ZNF277: variants seen among roughly 807,000 people sequenced by gnomAD.
ZNF277 encodes nuclear receptor-interacting factor 4.
ZNF277 carries 55 observed loss-of-function variants against 60.7 expected under a neutral mutation model. That is an observed-to-expected ratio of 0.91 (90% CI 0.73 to 1.13). ZNF277 has a LOEUF of 1.13. Among genes scored for constraint, ZNF277 ranks in the 50% most tolerant of loss-of-function variants. ZNF277 has a pLI of 0.00. For missense variants in ZNF277, 510 were observed against 523.0 expected (o/e 0.98, Z 0.24); for synonymous variants, 178 against 179.3 (o/e 0.99, Z 0.06).
At chr7:112,259,442 A>G (rs993860265) in intron 1 of ZNF277, among the ~76,000 whole-genome samples, 2 of 152,160 alleles carry the variant, frequency 1.3e-5, no homozygotes, top group East Asian at 3.9e-4. Flanking sequence ...CCCCAAATCT[A>G]TAGAAAAGAA....
chr7:112,223,376 A>C (rs1381451736), intron 1 of ZNF277, among the ~76,000 whole-genome samples: 1 of 152,148 alleles, frequency 6.6e-6, no homozygotes, highest in East Asian at 1.9e-4. Flanking sequence ...CCTGGAGCCA[A>C]GTTAAAGGAT....
At chr7:112,228,368 C>T (rs1822230068) in intron 1 of ZNF277, among the ~76,000 whole-genome samples, 1 of 151,226 alleles carries the variant, frequency 6.6e-6, no homozygotes, top group Admixed American at 6.6e-5. Context: ...GAATATATCA[C>T]CCATATTTCT....
At chr7:112,266,729 T>C (rs1791560323) in intron 1 of ZNF277, among the ~76,000 whole-genome samples, 1 of 152,172 alleles carries the variant, frequency 6.6e-6, no homozygotes, top group African/African-American at 2.4e-5. Context: ...TTTATTGTAC[T>C]ACTAAAAGAA....
intron 1 of ZNF277, among the ~76,000 whole-genome samples, chr7:112,223,646 A>G (rs920584781): frequency 1.3e-5 from 2 of 152,208 alleles, no homozygotes; most frequent in Non-Finnish European, 2.9e-5. Context: ...GGGGTTTTAG[A>G]AACTCCTGCC....
chr7:112,315,393 G>T (rs1386908357), intron 4 of ZNF277, among the ~76,000 whole-genome samples: 1 of 150,572 alleles, frequency 6.6e-6, no homozygotes, highest in African/African-American at 2.4e-5. Flanking sequence ...GAGCCAGTTG[G>T]TGGGTGTAGA....
At chr7:112,219,940 A>G (rs529301948) in intron 1 of ZNF277, among the ~76,000 whole-genome samples, 31 of 152,318 alleles carry the variant, frequency 2.0e-4, no homozygotes, top group African/African-American at 7.2e-4. Context: ...CCCAGCTGCT[A>G]TGCTGTTTAG....
intron 1 of ZNF277, among the ~76,000 whole-genome samples, chr7:112,251,289 G>A (rs1791194882): frequency 6.6e-6 from 1 of 152,154 alleles, no homozygotes; most frequent in Non-Finnish European, 1.5e-5. Context: ...GGGGATGAAG[G>A]ACAGTTGGCA....
At chr7:112,236,229 T>C (rs1790782166) in intron 1 of ZNF277, among the ~76,000 whole-genome samples, 1 of 152,108 alleles carries the variant, frequency 6.6e-6, no homozygotes, top group Admixed American at 6.5e-5. Flanking sequence ...CTGCTGATTT[T>C]TCCAAAATCA....
At chr7:112,308,280 C>T (rs888901248) in intron 4 of ZNF277, among the ~76,000 whole-genome samples, 1 of 151,634 alleles carries the variant, frequency 6.6e-6, no homozygotes, top group Non-Finnish European at 1.5e-5. Context: ...CTTTGGGAGG[C>T]GAGGCGGGCA....
intron 1 of ZNF277, among the ~76,000 whole-genome samples, chr7:112,285,062 GCT>G: frequency 1.3e-5 from 2 of 152,016 alleles, no homozygotes; most frequent in South Asian, 2.1e-4. Flanking sequence ...ACAGAGTCAC[GCT>G]CTGTCACCAG....
chr7:112,228,942 T>C (rs773973914), intron 1 of ZNF277, among the ~76,000 whole-genome samples: 3 of 152,178 alleles, frequency 2.0e-5, no homozygotes, highest in Non-Finnish European at 2.9e-5. Context: ...TCACAGAGTT[T>C]TGGTGAGGTA....
At chr7:112,333,074 G>A (rs1446952596) in intron 7 of ZNF277, among the ~76,000 whole-genome samples, 4 of 151,556 alleles carry the variant, frequency 2.6e-5, no homozygotes, top group East Asian at 1.9e-4. Context: ...AATATTTAAC[G>A]TGAAGAACAT....
chr7:112,251,690 G>A (rs1013234185), intron 1 of ZNF277, among the ~76,000 whole-genome samples: 17 of 152,168 alleles, frequency 1.1e-4, no homozygotes. Context: ...CTTCTTCTGT[G>A]TCCTTATCTG....
At chr7:112,258,461 G>A (rs1221077825) in intron 1 of ZNF277, among the ~76,000 whole-genome samples, 1 of 149,790 alleles carries the variant, frequency 6.7e-6, no homozygotes, top group Non-Finnish European at 1.5e-5. Context: ...ACGTACTTAC[G>A]CCAAAAAAAA....
At position 112,231,255 on chromosome 7, in the gene ZNF277, G is replaced by A. The variant is rs1014012611; in HGVS notation, c.91+24448G>A. On this transcript the variant is annotated intron_variant, in intron 1 of 11. Transcript: ENST00000361822. ...TTGTGTCTTTGTGTATGATGTGTGT[G>A]TGTAAAATTTTTTTAAAAAGAAACT... Among the ~76,000 whole-genome samples the A allele has an allele frequency of 2.6e-5, 4 of 152,046 alleles. No individual in the cohort carries two copies. In the South Asian group the frequency reaches 6.2e-4, roughly 24 times the overall value.
intron 1 of ZNF277, among the ~76,000 whole-genome samples, chr7:112,244,911 A>G (rs1235625285): frequency 6.6e-6 from 1 of 152,226 alleles, no homozygotes; most frequent in African/African-American, 2.4e-5. Context: ...TCAAGTAATT[A>G]TGAACGGTTT....
At chr7:112,250,959 C>A (rs1437565248) in intron 1 of ZNF277, among the ~76,000 whole-genome samples, 2 of 152,206 alleles carry the variant, frequency 1.3e-5, no homozygotes, top group Non-Finnish European at 2.9e-5. Context: ...CTAGTGCCTC[C>A]TGTTTTCTTT....
At chr7:112,268,105 C>A (rs1202442891) in intron 1 of ZNF277, among the ~76,000 whole-genome samples, 1 of 152,108 alleles carries the variant, frequency 6.6e-6, no homozygotes, top group East Asian at 1.9e-4. Flanking sequence ...GAAAATACCT[C>A]TTAGTAAGTC....
chr7:112,285,529 G>A (rs977543925), intron 1 of ZNF277, among the ~76,000 whole-genome samples: 1 of 150,078 alleles, frequency 6.7e-6, no homozygotes, highest in African/African-American at 2.5e-5. Context: ...TCACTTCCCA[G>A]GTTCAAGCAA....
Sources: gnomAD v4.1 joint callset for allele counts (sites outside exome capture counted in the v4.1 genomes callset) on GRCh38, gnomAD v4.1.1 for gene constraint, MANE v1.5 for transcripts, NCBI Gene and HGNC (gene_info 2026-07-23, HGNC 2026-07-21) for gene names.